The following ABI3BP variants were observed in gnomAD, a reference collection of about 807,000 sequenced individuals.
ABI3BP encodes target of Nesh-SH3.
In ABI3BP, 216 loss-of-function variants were observed where a neutral mutation model predicts 268.6. That is an observed-to-expected ratio of 0.80 (90% CI 0.72 to 0.90). The LOEUF is 0.90. Among genes scored for constraint, ABI3BP ranks in the 40% least tolerant of loss-of-function variants. The probability of loss-of-function intolerance (pLI) is 0.00; values close to 1 mark genes in which losing one functional copy is unlikely to be tolerated. For missense variants in ABI3BP, 2,090 were observed against 2,182.4 expected (o/e 0.96, Z 0.84); for synonymous variants, 730 against 730.0 (o/e 1.00, Z 0.00).
chr3:100,899,117 A>G (rs901327623), intron 3 of ABI3BP, among the ~76,000 whole-genome samples: 1 of 152,256 alleles, frequency 6.6e-6, no homozygotes, highest in African/African-American at 2.4e-5. Flanking sequence ...GTGCATATGC[A>G]TATATGCATA....
At chr3:100,853,865 A>T (rs2098900442) in intron 14 of ABI3BP, among the ~76,000 whole-genome samples, 1 of 152,150 alleles carries the variant, frequency 6.6e-6, no homozygotes, top group South Asian at 2.1e-4. Flanking sequence ...AATATACTTA[A>T]GACAAAAATA....
At chr3:100,834,462 T>C (rs569519678) in intron 29 of ABI3BP, among the ~76,000 whole-genome samples, 6 of 152,244 alleles carry the variant, frequency 3.9e-5, no homozygotes, top group Admixed American at 3.9e-4. Context: ...TAATTGAATG[T>C]CAGAGAAGCA....
chr3:100,980,196 C>T (rs1323942029), intron 1 of ABI3BP, among the ~76,000 whole-genome samples: 1 of 152,178 alleles, frequency 6.6e-6, no homozygotes, highest in African/African-American at 2.4e-5. Context: ...TTGTGTGTCA[C>T]ACCAAATTTA....
intron 1 of ABI3BP, among the ~76,000 whole-genome samples, chr3:100,934,890 T>C (rs2065353766): frequency 1.3e-5 from 2 of 152,230 alleles, no homozygotes; most frequent in Non-Finnish European, 2.9e-5. Context: ...CTTTGTCAGA[T>C]GGGTAGATTG....
chr3:100,842,136 G>T, intron 20 of ABI3BP, 97 bp from the exon 21 acceptor site: 3 of 1,019,890 alleles, frequency 2.9e-6, no homozygotes, highest in Non-Finnish European at 2.9e-6. Context: ...TCTCTCCTGG[G>T]TGAATGATTA....
chr3:100,961,727 C>T (rs1274653883), intron 1 of ABI3BP, among the ~76,000 whole-genome samples: 1 of 152,148 alleles, frequency 6.6e-6, no homozygotes, highest in Non-Finnish European at 1.5e-5. Flanking sequence ...TGTTCCACTT[C>T]CAAAGGATCC....
At chr3:100,843,598 TGGAG>T (rs2098734747) in intron 20 of ABI3BP, 4 of 953,196 alleles carry the variant, frequency 4.2e-6, no homozygotes, top group South Asian at 5.0e-5. Context: ...GTCTGGGAGA[TGGAG>T]AGAGAGAGGA....
chr3:100,850,102 A>G lies in ABI3BP; in HGVS notation c.1444T>C (p.Phe482Leu). The G allele has an allele frequency of 6.2e-7, 1 of 1,609,682 alleles. No homozygotes were observed. ...AAGATTTCCAGTTTTTGAGGAACAA[A>G]TGGTGTTTCACTTGGAGCTGAAAGC... is the stretch of plus-strand genomic sequence containing the variant. Reference protein sequence around the residue: ...RATLAPSETPFVPQKLEIFTS... With the variant: ...RATLAPSETPLVPQKLEIFTS... The change falls in exon 17 of 68, where the codon TTT becomes CTT. Residue 482 changes from phenylalanine (F) to leucine (L), a missense_variant. Coordinates refer to ENST00000471714, the MANE Select transcript of ABI3BP (RefSeq NM_001375547.2).
intron 2 of ABI3BP, among the ~76,000 whole-genome samples, chr3:100,902,940 C>T (rs1013001120): frequency 6.6e-6 from 1 of 152,160 alleles, no homozygotes; most frequent in Non-Finnish European, 1.5e-5. Context: ...TCATACTATA[C>T]ACAGATTTTA....
intron 54 of ABI3BP, among the ~76,000 whole-genome samples, chr3:100,794,693 C>T (rs866034295): frequency 2.0e-5 from 3 of 151,870 alleles, no homozygotes; most frequent in Admixed American, 6.6e-5. Context: ...CACTTAATCA[C>T]CAGAGCCAAT....
intron 1 of ABI3BP, among the ~76,000 whole-genome samples, chr3:100,988,207 A>C (rs1311431574): frequency 6.6e-6 from 1 of 152,170 alleles, no homozygotes; most frequent in African/African-American, 2.4e-5. Context: ...GGAGTGACAC[A>C]TTCTTGTTTT....
At chr3:100,794,162 AGTTT>A (rs2097273569) in intron 54 of ABI3BP, among the ~76,000 whole-genome samples, 1 of 151,976 alleles carries the variant, frequency 6.6e-6, no homozygotes, top group Non-Finnish European at 1.5e-5. Context: ...TTCTCCAGGT[AGTTT>A]GTTTGTTCAA....
At chr3:100,867,952 G>A (rs1003791987) in intron 9 of ABI3BP, among the ~76,000 whole-genome samples, 1 of 152,134 alleles carries the variant, frequency 6.6e-6, no homozygotes, top group Non-Finnish European at 1.5e-5. Flanking sequence ...ACATTTCTAA[G>A]CCAGTGTTCC....
At chr3:100,822,222 A>G (rs1379586688) in intron 38 of ABI3BP, among the ~76,000 whole-genome samples, 1 of 152,226 alleles carries the variant, frequency 6.6e-6, no homozygotes, top group African/African-American at 2.4e-5. Context: ...CATCTCTGAC[A>G]TCTGATGTAT....
At chr3:100,838,890 G>GC (rs2098649057) in intron 24 of ABI3BP, among the ~76,000 whole-genome samples, 1 of 152,142 alleles carries the variant, frequency 6.6e-6, no homozygotes, top group Non-Finnish European at 1.5e-5. Flanking sequence ...TTACATGGCT[G>GC]CCGATGTCTG....
intron 64 of ABI3BP, 135 bp downstream of exon 64, chr3:100,754,477 T>C: frequency 1.2e-6 from 1 of 845,648 alleles, no homozygotes; most frequent in Non-Finnish European, 1.9e-6. Context: ...ATCAGTTTGC[T>C]TTTTCCCACA....
At chr3:100,993,090 T>C (rs901665687) in intron 1 of ABI3BP, among the ~76,000 whole-genome samples, 2 of 152,252 alleles carry the variant, frequency 1.3e-5, no homozygotes, top group African/African-American at 4.8e-5. Flanking sequence ...GTAATAAGTT[T>C]GTTTTCATTT....
At chr3:100,969,129 A>G (rs62275198) in intron 1 of ABI3BP, among the ~76,000 whole-genome samples, 15,823 of 152,246 alleles carry the variant, frequency 0.1, 1,113 homozygotes, top group Non-Finnish European at 0.15. Flanking sequence ...CAAACCATGA[A>G]GCAAGAAAGT....
intron 18 of ABI3BP, 121 bp downstream of exon 18, chr3:100,848,680 G>A (rs2098804083): frequency 1.1e-6 from 1 of 900,012 alleles, no homozygotes; most frequent in Non-Finnish European, 1.8e-6. Context: ...TCCTGCCTTG[G>A]CCTCCCAAAG....
Sources: gnomAD v4.1 joint callset for allele counts (sites outside exome capture counted in the v4.1 genomes callset) on GRCh38, gnomAD v4.1.1 for gene constraint, MANE v1.5 for transcripts, NCBI Gene and HGNC (gene_info 2026-07-23, HGNC 2026-07-21) for gene names.